The following SLC45A2 variants were observed in gnomAD, a reference collection of about 807,000 sequenced individuals.
SLC45A2 encodes the protein solute carrier family 45 member 2.
A neutral mutation model predicts 45.5 loss-of-function variants in SLC45A2; 36 were observed. That is an observed-to-expected ratio of 0.79 (90% CI 0.61 to 1.04). SLC45A2 has a LOEUF of 1.04. SLC45A2 is among the 50% of genes least tolerant of loss of function. The pLI, the probability that SLC45A2 is intolerant of heterozygous loss-of-function variation, is 0.00. For synonymous variants in SLC45A2, 306 were observed against 269.3 expected, an observed-to-expected ratio of 1.14 and a Z score of -1.33; for missense variants, 719 against 671.0, an observed-to-expected ratio of 1.07 and a Z score of -0.79.
intron 2 of SLC45A2, among the ~76,000 whole-genome samples, chr5:33,969,282 A>G (rs796901476): frequency 1.1e-4 from 17 of 152,118 alleles, no homozygotes; most frequent in African/African-American, 3.9e-4. Flanking sequence ...AAAGAAAAAA[A>G]AAATTTTAAA....
At chr5:33,965,018 T>C (rs1010389569) in intron 2 of SLC45A2, among the ~76,000 whole-genome samples, 3 of 152,198 alleles carry the variant, frequency 2.0e-5, no homozygotes, top group African/African-American at 4.8e-5. Context: ...ACACATCCAC[T>C]ACATATGTCA....
chr5:33,983,936 A>T (rs1027216048), intron 1 of SLC45A2, among the ~76,000 whole-genome samples: 10 of 152,236 alleles, frequency 6.6e-5, no homozygotes, highest in Non-Finnish European at 1.3e-4. Flanking sequence ...AATAGATACA[A>T]ATTTAATAAA....
At chr5:33,947,403 A>T in intron 5 of SLC45A2, 29 bp from the exon 6 acceptor site, 1 of 1,574,064 alleles carries the variant, frequency 6.4e-7, no homozygotes, top group Non-Finnish European at 8.7e-7. Context: ...GAGAAATTAC[A>T]GCTGGCAGTG....
chr5:33,981,953 A>G (rs777529802), intron 2 of SLC45A2, among the ~76,000 whole-genome samples: 1 of 152,244 alleles, frequency 6.6e-6, no homozygotes, highest in African/African-American at 2.4e-5. Context: ...CTCTAATGCA[A>G]AAGTACAATC....
chr5:33,958,076 A>G (rs1752331238), intron 3 of SLC45A2, among the ~76,000 whole-genome samples: 1 of 152,294 alleles, frequency 6.6e-6, no homozygotes, highest in South Asian at 2.1e-4. Context: ...CACCACTGTC[A>G]GCTGGAGACT....
intron 1 of SLC45A2, 49 bp from the exon 2 acceptor site, chr5:33,982,461 C>A: frequency 1.9e-6 from 3 of 1,580,582 alleles, no homozygotes; most frequent in Non-Finnish European, 2.6e-6. Flanking sequence ...TTAGAATCAT[C>A]CGCGTTTTGT....
intron 3 of SLC45A2, among the ~76,000 whole-genome samples, chr5:33,962,629 GC>G (rs1752485137): frequency 6.6e-6 from 1 of 152,184 alleles, no homozygotes; most frequent in Non-Finnish European, 1.5e-5. Flanking sequence ...ACCTGAATTA[GC>G]CCCTGCAACC....
At chr5:33,963,585 T>A (rs1432961791) in intron 3 of SLC45A2, 106 bp downstream of exon 3, 8 of 1,320,858 alleles carry the variant, frequency 6.1e-6, no homozygotes, top group East Asian at 2.3e-5. Context: ...TTAGACCCCA[T>A]GAAACTCTTC....
chr5:33,962,166 C>T (rs763131716), intron 3 of SLC45A2, among the ~76,000 whole-genome samples: 3 of 152,038 alleles, frequency 2.0e-5, no homozygotes, highest in Non-Finnish European at 2.9e-5. Flanking sequence ...TAGCATTTAC[C>T]ATGTTCTATC....
Position 33,954,063 on chromosome 5 carries a change from G to A in SLC45A2, c.1032+298C>T, listed in dbSNP as rs528298414. ...AGGAGCACCCAGATTCATAAAGCAAGTCCTGAGTGACCTACAAAGAGACTT... is the reference window on the plus strand; with the variant it reads ...AGGAGCACCCAGATTCATAAAGCAAATCCTGAGTGACCTACAAAGAGACTT... On this transcript the variant is annotated intron_variant, in intron 4 of 6. Coordinates refer to ENST00000296589, the MANE Select transcript of SLC45A2 (RefSeq NM_016180.5). Among the ~76,000 whole-genome samples the A allele has an allele frequency of 1.2e-3, 178 of 151,278 alleles. 1 individual carries two copies. Among genetic ancestry groups the A allele is most frequent in the African/African-American group, 4.1e-3 (170 of 41,136 alleles).
chr5:33,970,758 T>G (rs776465073), intron 2 of SLC45A2: 1 of 248,666 alleles, frequency 4.0e-6, no homozygotes, highest in Non-Finnish European at 7.9e-6. Flanking sequence ...CTATTCAAGA[T>G]AGTGGTGGTC....
chr5:33,957,669 C>G (rs531242825), intron 3 of SLC45A2, among the ~76,000 whole-genome samples: 2 of 152,222 alleles, frequency 1.3e-5, no homozygotes, highest in East Asian at 3.9e-4. Context: ...AACAATAGCC[C>G]AAGAAACAAC....
At position 33,984,414 on chromosome 5, in the gene SLC45A2, G is replaced by T. The variant is rs775426002; in HGVS notation, c.170C>A (p.Thr57Asn). The T allele has an allele frequency of 1.2e-6, 2 of 1,613,432 alleles. No individual in the cohort carries two copies. The highest frequency in any genetic ancestry group is 1.3e-5 in the African/African-American group (1 of 74,936). The change falls in exon 1 of 7, where the codon ACC (threonine) becomes AAC (asparagine). Residue 57 changes from threonine to asparagine, a missense_variant. Thr to Asn is a moderately conservative substitution (Grantham distance 65). Coordinates refer to ENST00000296589, the MANE Select transcript of SLC45A2 (RefSeq NM_016180.5). ...FCYAVEAAYV[T>N]PVLLSVGLPS... is the part of the protein sequence containing the mutation. Reference sequence around the variant, plus strand: ...CAGACCTACGCTGAGCAGGACTGGGGTCACATACGCTGCCTCCACCGCGTA... The same window carrying T: ...CAGACCTACGCTGAGCAGGACTGGGTTCACATACGCTGCCTCCACCGCGTA...
At chr5:33,952,203 C>A (rs372495480) in intron 4 of SLC45A2, among the ~76,000 whole-genome samples, 3 of 151,930 alleles carry the variant, frequency 2.0e-5, no homozygotes, top group African/African-American at 4.8e-5. Context: ...CATAGGTCAC[C>A]GCATCCTTGA....
intron 3 of SLC45A2, among the ~76,000 whole-genome samples, chr5:33,957,597 G>A (rs540514557): frequency 1.3e-5 from 2 of 152,216 alleles, no homozygotes; most frequent in South Asian, 4.1e-4. Flanking sequence ...AAAAATAAAT[G>A]ATTATAACCA....
Position 33,954,495 on chromosome 5 carries a change from C to T in SLC45A2, c.898G>A (p.Ala300Thr), listed in dbSNP as rs774450439. Reference sequence around the variant, plus strand: ...CTCAGCAGTGACTTTAATGTCATTGCCCTGCGAGTCTGAAATAAAACATGA... The same window carrying T: ...CTCAGCAGTGACTTTAATGTCATTGTCCTGCGAGTCTGAAATAAAACATGA... ...NKNHAEQTRR[A>T]MTLKSLLRAL... Residue 300 changes from alanine (A) to threonine (T), a missense_variant, in exon 4 of 7, where the codon GCA (alanine) becomes ACA (threonine). Ala to Thr is a moderately conservative substitution (Grantham distance 58). Coordinates refer to ENST00000296589, the MANE Select transcript of SLC45A2 (RefSeq NM_016180.5). The T allele has an allele frequency of 6.2e-7, 1 of 1,613,800 alleles. No homozygotes were observed. Among genetic ancestry groups the T allele is most frequent in the Non-Finnish European group, 8.5e-7 (1 of 1,179,964 alleles).
At chr5:33,978,844 C>T (rs1753000083) in intron 2 of SLC45A2, among the ~76,000 whole-genome samples, 1 of 152,178 alleles carries the variant, frequency 6.6e-6, no homozygotes, top group African/African-American at 2.4e-5. Flanking sequence ...TCATATTTGG[C>T]TCAGAATAAA....
chr5:33,964,014 AACCTGGAAAG>A lies in SLC45A2; in HGVS notation c.563-8_564del. ...AAAAGGTAACCCAGGGCACCTCCAA[AACCTGGAAAG>A]CAAGAAAAGCTATGTTAGCATATTT... On this transcript the variant is annotated splice_acceptor_variant and splice_polypyrimidine_tract_variant and coding_sequence_variant and intron_variant, in exon 3 of 7. Coordinates refer to ENST00000296589, the MANE Select transcript of SLC45A2 (RefSeq NM_016180.5). LOFTEE classifies it high-confidence loss of function. 1.2e-6 allele frequency: 2 copies of A among 1,613,754 alleles called. No individual in the cohort carries two copies. Among genetic ancestry groups the A allele is most frequent in the Non-Finnish European group, 1.7e-6 (2 of 1,179,718 alleles).
chr5:33,955,614 C>A (rs1319624246), intron 3 of SLC45A2, among the ~76,000 whole-genome samples: 2 of 151,884 alleles, frequency 1.3e-5, no homozygotes, highest in Non-Finnish European at 2.9e-5. Context: ...GAAGTAAGAA[C>A]AATGTAGAAC....
Sources: allele counts gnomAD v4.1 joint callset (sites outside exome capture counted in the v4.1 genomes callset), GRCh38; gene constraint gnomAD v4.1.1; transcripts MANE v1.5; gene names NCBI Gene and HGNC (gene_info 2026-07-23, HGNC 2026-07-21).